The following PALS1 variants were observed in gnomAD, a reference collection of about 807,000 sequenced individuals.
PALS1 encodes protein PALS1.
PALS1 carries 31 observed loss-of-function variants against 78.9 expected under a neutral mutation model. The ratio of observed to expected loss-of-function variants is 0.39; its 90% CI spans 0.30 to 0.53. The LOEUF (loss-of-function observed/expected upper bound fraction) is 0.53, where lower values mean the gene tolerates loss of function less well. Ranked by LOEUF, PALS1 falls within the 20% of genes least tolerant of loss-of-function variation. The pLI, the probability that PALS1 is intolerant of heterozygous loss-of-function variation, is 0.67. For synonymous variants in PALS1, 276 were observed against 270.9 expected, an observed-to-expected ratio of 1.02 and a Z score of -0.18; for missense variants, 704 against 826.5, an observed-to-expected ratio of 0.85 and a Z score of 1.82.
intron 9 of PALS1, among the ~76,000 whole-genome samples, chr14:67,315,688 G>A (rs2085160173): frequency 1.3e-5 from 2 of 152,220 alleles, no homozygotes; most frequent in Non-Finnish European, 2.9e-5. Flanking sequence ...CACTTTGGGA[G>A]GCCAAGCAGG....
In PALS1 at chr14:67,315,268, A is replaced by ATT. The variant is rs531037352; in HGVS notation, c.1226-1539_1226-1538dup. 2.9e-3 allele frequency among the ~76,000 whole-genome samples: 293 copies of ATT among 101,596 alleles called. 11 individuals carry two copies. The highest frequency in any genetic ancestry group is 3.7e-3 in the Non-Finnish European group (202 of 53,954). 66.7% of individuals were successfully genotyped at this position (101,596 alleles called of 152,430 possible). A position where few individuals can be genotyped will look rare whatever the true frequency, so the allele number is the denominator to read the frequency against. ...TTTAAAAATCGGTTACTTATTTTTA[A>ATT]TTTTTTTTTTTTTTTTTTTTTTTTT... On this transcript the variant is annotated intron_variant, in intron 9 of 14. Transcript: ENST00000261681.
intron 3 of PALS1, among the ~76,000 whole-genome samples, chr14:67,288,557 C>G (rs1026031796): frequency 6.6e-6 from 1 of 152,178 alleles, no homozygotes; most frequent in Admixed American, 6.5e-5. Flanking sequence ...TCAGAGAAGT[C>G]TAGTCCCCAT....
intron 1 of PALS1, among the ~76,000 whole-genome samples, chr14:67,260,637 A>G (rs1177270687): frequency 6.6e-6 from 1 of 152,210 alleles, no homozygotes; most frequent in East Asian, 1.9e-4. Context: ...CTTAACAGAT[A>G]AAAAGTTGAA....
chr14:67,329,379 T>A (rs1157509373), intron 14 of PALS1, among the ~76,000 whole-genome samples: 1 of 152,224 alleles, frequency 6.6e-6, no homozygotes, highest in African/African-American at 2.4e-5. Flanking sequence ...GATTTTGGGC[T>A]GAGACGATGG....
intron 14 of PALS1, among the ~76,000 whole-genome samples, chr14:67,325,985 T>C (rs1343441228): frequency 2.7e-5 from 4 of 145,506 alleles, no homozygotes; most frequent in African/African-American, 7.7e-5. Flanking sequence ...TTTTCTTTTT[T>C]TTTTTTTTTT....
chr14:67,280,366 A>G (rs2084584875), intron 3 of PALS1, among the ~76,000 whole-genome samples: 1 of 152,222 alleles, frequency 6.6e-6, no homozygotes. Context: ...TTTAGGTGTG[A>G]AAAAAGATAT....
chr14:67,325,897 C>T lies in PALS1; in HGVS notation c.1851+2085C>T, dbSNP rs139270068. Among the ~76,000 whole-genome samples, 287 of 151,846 alleles carry T rather than the reference C, an allele frequency of 1.9e-3. 5 individuals are homozygous for T. In the East Asian group the frequency reaches 0.028, roughly 15 times the overall value. On this transcript the variant is annotated intron_variant, in intron 14 of 14. Coordinates refer to ENST00000261681, the MANE Select transcript of PALS1 (RefSeq NM_022474.4). ...AATCTTGGCTCACTGCAACCTCCGC[C>T]TCCTGGGTTCGAGCTATTCTTCTGC... is the stretch of plus-strand genomic sequence containing the variant.
chr14:67,325,579 G>A (rs2085340174), intron 14 of PALS1, among the ~76,000 whole-genome samples: 1 of 152,108 alleles, frequency 6.6e-6, no homozygotes, highest in East Asian at 1.9e-4. Flanking sequence ...GATTAATACT[G>A]TGTAAAATTT....
chr14:67,285,215 A>G (rs1252988110), intron 3 of PALS1, among the ~76,000 whole-genome samples: 3 of 152,200 alleles, frequency 2.0e-5, no homozygotes, highest in Non-Finnish European at 2.9e-5. Flanking sequence ...TTCTGAGGAC[A>G]GGTTAAAAGA....
intron 14 of PALS1, among the ~76,000 whole-genome samples, chr14:67,326,609 A>G (rs983176085): frequency 6.6e-6 from 1 of 152,092 alleles, no homozygotes; most frequent in East Asian, 1.9e-4. Context: ...TAGTTTTCTT[A>G]TGCCCCTTTG....
intron 1 of PALS1, among the ~76,000 whole-genome samples, chr14:67,255,275 A>T (rs146120108): frequency 2.0e-3 from 310 of 152,366 alleles, no homozygotes; most frequent in African/African-American, 7.0e-3. Flanking sequence ...CATTGAGAGC[A>T]AAGCAATAGC....
At chr14:67,244,937 AAG>A (rs1444792241) in intron 1 of PALS1, among the ~76,000 whole-genome samples, 1 of 152,158 alleles carries the variant, frequency 6.6e-6, no homozygotes, top group African/African-American at 2.4e-5. Context: ...TAAAAAAGGA[AAG>A]AGAGAGGCAG....
At chr14:67,248,222 A>C (rs150793756) in intron 1 of PALS1, among the ~76,000 whole-genome samples, 4 of 152,314 alleles carry the variant, frequency 2.6e-5, no homozygotes, top group African/African-American at 9.6e-5. Context: ...AATATACATT[A>C]ACATTTATTC....
chr14:67,315,576 C>T (rs997282004), intron 9 of PALS1, among the ~76,000 whole-genome samples: 2 of 152,022 alleles, frequency 1.3e-5, no homozygotes, highest in Non-Finnish European at 1.5e-5. Context: ...GCACCCGACC[C>T]CTTTAAATTT....
intron 9 of PALS1, among the ~76,000 whole-genome samples, chr14:67,313,420 C>T (rs1443382187): frequency 6.6e-6 from 1 of 152,112 alleles, no homozygotes; most frequent in African/African-American, 2.4e-5. Flanking sequence ...GTGGTATAGC[C>T]TATTCCTCCA....
At chr14:67,306,175 G>A (rs1333971633) in intron 8 of PALS1, among the ~76,000 whole-genome samples, 3 of 152,080 alleles carry the variant, frequency 2.0e-5, no homozygotes, top group South Asian at 4.2e-4. Flanking sequence ...TCACTATGTT[G>A]GCCATGCTGG....
At chr14:67,323,630 A>ATC in intron 13 of PALS1, 72 bp from the exon 14 acceptor site, 1 of 378,284 alleles carries the variant, frequency 2.6e-6, no homozygotes, top group East Asian at 6.4e-5. Flanking sequence ...ATATATATAT[A>ATC]TATATATCAG....
intron 3 of PALS1, among the ~76,000 whole-genome samples, chr14:67,284,426 T>C: frequency 1.2e-5 from 1 of 83,400 alleles, no homozygotes; most frequent in African/African-American, 1.5e-4. Context: ...AGACCCTATC[T>C]CTTAAAAAAA....
intron 1 of PALS1, among the ~76,000 whole-genome samples, chr14:67,248,008 G>T (rs1387705977): frequency 2.0e-5 from 3 of 152,072 alleles, no homozygotes; most frequent in African/African-American, 7.2e-5. Context: ...GTTACTGAGG[G>T]TTTGTTTTTT....
Sources: allele counts gnomAD v4.1 joint callset (sites outside exome capture counted in the v4.1 genomes callset), GRCh38; gene constraint gnomAD v4.1.1; transcripts MANE v1.5; gene names NCBI Gene and HGNC (gene_info 2026-07-23, HGNC 2026-07-21).